The following NALF1 variants were observed in gnomAD, a reference collection of about 807,000 sequenced individuals.
The protein encoded by NALF1 is NALCN channel auxiliary factor 1, also known as family with sequence similarity 155 member A.
A neutral mutation model predicts 48.4 loss-of-function variants in NALF1; 3 were observed. The ratio of observed to expected loss-of-function variants is 0.06; its 90% CI spans 0.03 to 0.16. NALF1 has a LOEUF of 0.16. NALF1 is among the 10% of genes least tolerant of loss of function. The pLI is 1.00. For synonymous variants in NALF1, 262 were observed against 245.7 expected (o/e 1.07, Z -0.62); for missense variants, 526 against 571.5 (o/e 0.92, Z 0.81).
chr13:107,721,338 C>T (rs1483699514), intron 1 of NALF1, among the ~76,000 whole-genome samples: 2 of 152,142 alleles, frequency 1.3e-5, no homozygotes, highest in East Asian at 3.9e-4. Context: ...CCCTCACAGT[C>T]CAGCCCCTCC....
rs1269873465 is a variant in NALF1, at chr13:107,638,199, A to ATG, written c.915+227482_915+227483insCA. Among the ~76,000 whole-genome samples, 13 of 133,320 alleles carry ATG rather than the reference A, an allele frequency of 9.8e-5. 2 individuals carry two copies. The East Asian group carries it at 2.1e-3, about 22-fold the overall frequency. 87.5% of individuals were successfully genotyped at this position (133,320 alleles called of 152,430 possible). A position where few individuals can be genotyped will look rare whatever the true frequency, so the allele number is the denominator to read the frequency against. Reference sequence around the variant, plus strand: ...TCTATATAAAGATTTATATATATATATATATATAATTTAAGATGAACATTG... The same window carrying ATG: ...TCTATATAAAGATTTATATATATATATGTATATATAATTTAAGATGAACATTG... On this transcript the variant is annotated intron_variant, in intron 1 of 2. Transcript: ENST00000375915.
intron 1 of NALF1, among the ~76,000 whole-genome samples, chr13:107,451,277 G>A (rs560322659): frequency 9.2e-5 from 14 of 152,330 alleles, no homozygotes; most frequent in Admixed American, 5.2e-4. Context: ...AGACTTGAGC[G>A]TGGTGAGAGG....
chr13:107,588,405 G>A (rs191658598), intron 1 of NALF1, among the ~76,000 whole-genome samples: 1 of 152,196 alleles, frequency 6.6e-6, no homozygotes, highest in Admixed American at 6.6e-5. Context: ...AGGCCCTAAA[G>A]GGAGCCCTGG....
intron 1 of NALF1, among the ~76,000 whole-genome samples, chr13:107,385,552 C>CAAAAAAAAAAAAAAAAAAAAAAAAA (rs201307018): frequency 2.5e-5 from 3 of 118,290 alleles, no homozygotes; most frequent in African/African-American, 6.7e-5. Flanking sequence ...GATTCCATCT[C>CAAAAAAAAAAAAAAAAAAAAAAAAA]AAAAAAAAAA....
At chr13:107,680,120 C>T (rs1175592426) in intron 1 of NALF1, among the ~76,000 whole-genome samples, 1 of 152,068 alleles carries the variant, frequency 6.6e-6, no homozygotes, top group African/African-American at 2.4e-5. Context: ...GCTGCAGGTA[C>T]CCAGCTGCCC....
intron 1 of NALF1, among the ~76,000 whole-genome samples, chr13:107,735,723 G>A (rs781245202): frequency 1.3e-5 from 2 of 152,202 alleles, no homozygotes; most frequent in African/African-American, 4.8e-5. Flanking sequence ...CAGTCTTATA[G>A]ATTTGAATTT....
intron 1 of NALF1, among the ~76,000 whole-genome samples, chr13:107,593,649 C>T (rs1026955399): frequency 3.9e-5 from 6 of 152,012 alleles, no homozygotes; most frequent in Admixed American, 2.6e-4. Context: ...AGGAGTCAAA[C>T]GATGTGTTTG....
chr13:107,728,224 C>T (rs912514784), intron 1 of NALF1, among the ~76,000 whole-genome samples: 10 of 152,184 alleles, frequency 6.6e-5, no homozygotes, highest in African/African-American at 2.4e-4. Flanking sequence ...TATAAAGACA[C>T]ATGCCCATGT....
chr13:107,455,208 C>T (rs1223531704), intron 1 of NALF1, among the ~76,000 whole-genome samples: 1 of 152,136 alleles, frequency 6.6e-6, no homozygotes, highest in Non-Finnish European at 1.5e-5. Flanking sequence ...GCCTCCCCAG[C>T]CATGCAGAAC....
At chr13:107,435,723 A>G (rs1884453124) in intron 1 of NALF1, among the ~76,000 whole-genome samples, 1 of 151,556 alleles carries the variant, frequency 6.6e-6, no homozygotes, top group African/African-American at 2.4e-5. Flanking sequence ...AGATGTGGGA[A>G]CTTTTGATAA....
At chr13:107,340,233 C>T (rs1376720527) in intron 1 of NALF1, among the ~76,000 whole-genome samples, 4 of 151,082 alleles carry the variant, frequency 2.6e-5, no homozygotes, top group African/African-American at 9.8e-5. Flanking sequence ...CTCTGCCTCC[C>T]GGGTTCAAGC....
chr13:107,414,018 C>T (rs935272423), intron 1 of NALF1, among the ~76,000 whole-genome samples: 1 of 152,150 alleles, frequency 6.6e-6, no homozygotes, highest in African/African-American at 2.4e-5. Context: ...AACTCCTGAC[C>T]TCAGGTGCTC....
chr13:107,643,532 G>A (rs1269651754), intron 1 of NALF1, among the ~76,000 whole-genome samples: 1 of 134,972 alleles, frequency 7.4e-6, no homozygotes, highest in Non-Finnish European at 1.6e-5. Flanking sequence ...TCCATATACA[G>A]TGTATTTGGT....
chr13:107,663,155 G>C lies in NALF1; in HGVS notation c.915+202527C>G, dbSNP rs906475335. On this transcript the variant is annotated intron_variant, in intron 1 of 2. Coordinates refer to ENST00000375915, the MANE Select transcript of NALF1 (RefSeq NM_001080396.3). ...ACTATCATATGTCTTACAGTAACAA[G>C]ACTTTGCAAATGAAATGTACTAAGA... 7.9e-5 allele frequency among the ~76,000 whole-genome samples: 12 copies of C among 152,228 alleles called. No homozygotes were observed. The East Asian group carries it at 1.9e-3, about 24-fold the overall frequency.
rs1566470712 is a variant in NALF1 at position 107,271,799 on chromosome 13, TATATATATATATATA to T, written c.916-61059_916-61045del. Among the ~76,000 whole-genome samples, 543 of 110,496 alleles carry T rather than the reference TATATATATATATATA, an allele frequency of 4.9e-3. 7 individuals carry two copies. The highest frequency in any genetic ancestry group is 9.4e-3 in the Non-Finnish European group (454 of 48,478). The allele number at this position is 110,496 out of a possible 152,430, so 72.5% of individuals were successfully genotyped here. A position where few individuals can be genotyped will look rare whatever the true frequency, so the allele number is the denominator to read the frequency against. On this transcript the variant is annotated intron_variant, in intron 1 of 2. Transcript: ENST00000375915. ...CTATATATATATATATATATATATATATATATATATATATATATTTATATATTTATATATACAAAT... is the reference window on the plus strand; with the variant it reads ...CTATATATATATATATATATATATATTATTTATATATTTATATATACAAAT...
chr13:107,503,943 A>G (rs1054443295), intron 1 of NALF1, among the ~76,000 whole-genome samples: 13 of 150,378 alleles, frequency 8.6e-5, no homozygotes, highest in Admixed American at 5.3e-4. Flanking sequence ...TTTTTTAAAG[A>G]GCTCAAACAC....
intron 1 of NALF1, among the ~76,000 whole-genome samples, chr13:107,522,255 C>T (rs1393862462): frequency 6.6e-6 from 1 of 152,066 alleles, no homozygotes; most frequent in African/African-American, 2.4e-5. Flanking sequence ...GTATCCTCTC[C>T]CCTACGCCAC....
At chr13:107,419,625 C>T (rs1284225117) in intron 1 of NALF1, among the ~76,000 whole-genome samples, 2 of 152,098 alleles carry the variant, frequency 1.3e-5, no homozygotes, top group Non-Finnish European at 2.9e-5. Flanking sequence ...GTAAAAACTA[C>T]GATTCTAATA....
intron 1 of NALF1, among the ~76,000 whole-genome samples, chr13:107,363,545 G>A (rs1482624616): frequency 6.6e-6 from 1 of 152,228 alleles, no homozygotes; most frequent in Admixed American, 6.5e-5. Context: ...GCTGAAGTGA[G>A]CTGTGAACAC....
Sources: allele counts gnomAD v4.1 joint callset (sites outside exome capture counted in the v4.1 genomes callset), GRCh38; gene constraint gnomAD v4.1.1; transcripts MANE v1.5; gene names NCBI Gene and HGNC (gene_info 2026-07-23, HGNC 2026-07-21).